CRADD: variants seen among roughly 807,000 people sequenced by gnomAD.
The protein encoded by CRADD is CARD and death domain containing adaptor protein.
Under a neutral mutation model 15.5 loss-of-function variants are expected in CRADD, and 9 were observed. The ratio of observed to expected loss-of-function variants is 0.58; its 90% CI spans 0.35 to 1.01. CRADD has a LOEUF of 1.01. CRADD is among the 50% of genes least tolerant of loss of function. The pLI, the probability that CRADD is intolerant of heterozygous loss-of-function variation, is 0.02. For synonymous variants in CRADD, 118 were observed against 107.6 expected, an observed-to-expected ratio of 1.10 and a Z score of -0.60; for missense variants, 227 against 250.3, an observed-to-expected ratio of 0.91 and a Z score of 0.63.
At chr12:93,717,779 C>A (rs1394432766) in intron 2 of CRADD, among the ~76,000 whole-genome samples, 1 of 152,186 alleles carries the variant, frequency 6.6e-6, no homozygotes, top group Admixed American at 6.5e-5. Flanking sequence ...CCTTGGGCTC[C>A]CCAAGTGTTA....
At position 93,735,277 on chromosome 12, in the gene CRADD, C is replaced by T. The variant is rs149818748; in HGVS notation, c.298+56205C>T. On this transcript the variant is annotated intron_variant, in intron 2 of 2. Transcript: ENST00000332896. The stretch of plus-strand genomic sequence containing the variant: ...AGTGTAGGCAGCTTACGAAATGGGG[C>T]AGGTTTCTTGTGTTTTACTAATGTG... Among the ~76,000 whole-genome samples the T allele has an allele frequency of 3.6e-3, 545 of 152,240 alleles. 1 individual carries two copies. The highest frequency in any genetic ancestry group is 6.4e-3 in the Admixed American group (98 of 15,296).
intron 2 of CRADD, among the ~76,000 whole-genome samples, chr12:93,827,967 G>A (rs1334593752): frequency 6.6e-6 from 1 of 152,152 alleles, no homozygotes; most frequent in Non-Finnish European, 1.5e-5. Flanking sequence ...CCTCAAATAA[G>A]TGGAATCATG....
At chr12:93,728,442 A>G (rs983548448) in intron 2 of CRADD, among the ~76,000 whole-genome samples, 1 of 152,262 alleles carries the variant, frequency 6.6e-6, no homozygotes, top group Non-Finnish European at 1.5e-5. Flanking sequence ...TGTAGTAAAT[A>G]CGTCAATATC....
At chr12:93,810,090 G>A (rs953719628) in intron 2 of CRADD, among the ~76,000 whole-genome samples, 2 of 152,146 alleles carry the variant, frequency 1.3e-5, no homozygotes, top group Non-Finnish European at 2.9e-5. Context: ...TATTAACTCT[G>A]AAAACAAGAC....
At position 93,826,537 on chromosome 12, in the gene CRADD, G is replaced by T. The variant is rs139703632; in HGVS notation, c.299-23433G>T. Among the ~76,000 whole-genome samples, 121 of 152,320 alleles carry T rather than the reference G, an allele frequency of 7.9e-4. 1 individual carries two copies. Among genetic ancestry groups the T allele is most frequent in the African/African-American group, 2.9e-3 (119 of 41,572 alleles). On this transcript the variant is annotated intron_variant, in intron 2 of 2. Coordinates refer to ENST00000332896, the MANE Select transcript of CRADD (RefSeq NM_003805.5). ...TTCAAAGCTATATCCTCTGCTTCCAGCAGCCTAGGGGTGTGTTTCTGTTGC... is the reference window on the plus strand; with the variant it reads ...TTCAAAGCTATATCCTCTGCTTCCATCAGCCTAGGGGTGTGTTTCTGTTGC...
intron 2 of CRADD, among the ~76,000 whole-genome samples, chr12:93,808,321 A>C (rs1470797114): frequency 6.6e-6 from 1 of 152,166 alleles, no homozygotes; most frequent in Non-Finnish European, 1.5e-5. Context: ...TGAGGAACAA[A>C]GTCATGTTTT....
At position 93,726,693 on chromosome 12, in the gene CRADD, T is replaced by A. The variant is rs562565505; in HGVS notation, c.298+47621T>A. Among the ~76,000 whole-genome samples the A allele has an allele frequency of 7.3e-5, 11 of 150,992 alleles. No individual in the cohort carries two copies. In the South Asian group the frequency reaches 2.3e-3, roughly 32 times the overall value. ...CCACAATTTATTACTTTTTTCCTCA[T>A]TTTTTTTTTCTGCTGTGGAGCTTAC... On this transcript the variant is annotated intron_variant, in intron 2 of 2. Coordinates refer to ENST00000332896, the MANE Select transcript of CRADD (RefSeq NM_003805.5).
chr12:93,776,024 T>C (rs1957137035), intron 2 of CRADD, among the ~76,000 whole-genome samples: 1 of 152,258 alleles, frequency 6.6e-6, no homozygotes, highest in African/African-American at 2.4e-5. Flanking sequence ...TTTAAAAAAG[T>C]ATCTTTTCAG....
At chr12:93,682,710 T>A (rs993076845) in intron 2 of CRADD, among the ~76,000 whole-genome samples, 4 of 152,126 alleles carry the variant, frequency 2.6e-5, no homozygotes, top group African/African-American at 4.8e-5. Flanking sequence ...TCTCTACTCT[T>A]CTGAACGCCA....
rs182925957 is a variant in CRADD, at chr12:93,768,589, A to G, written c.299-81381A>G. ...TTAGATAAGAATGCTTCTACTCTAT[A>G]TATCTCAAAAAAGAATAACATAATT... On this transcript the variant is annotated intron_variant, in intron 2 of 2. Coordinates refer to ENST00000332896, the MANE Select transcript of CRADD (RefSeq NM_003805.5). Among the ~76,000 whole-genome samples, 59 of 152,244 alleles carry G rather than the reference A, an allele frequency of 3.9e-4. 1 individual carries two copies. The highest frequency in any genetic ancestry group is 1.4e-3 in the African/African-American group (57 of 41,546).
Position 93,823,091 on chromosome 12 carries a change from G to A in CRADD, c.299-26879G>A, listed in dbSNP as rs193136244. On this transcript the variant is annotated intron_variant, in intron 2 of 2. Transcript: ENST00000332896. Reference sequence around the variant, plus strand: ...AGGAGGATCACCAGGTCAGGAGTTCGAGACTAGCCTGGTCAACATGGTGAA... The same window carrying A: ...AGGAGGATCACCAGGTCAGGAGTTCAAGACTAGCCTGGTCAACATGGTGAA... Among the ~76,000 whole-genome samples, 331 of 152,300 alleles carry A rather than the reference G, an allele frequency of 2.2e-3. 1 individual carries two copies. The highest frequency in any genetic ancestry group is 7.7e-3 in the African/African-American group (318 of 41,558).
In CRADD at chr12:93,714,344, G is replaced by A. The variant is rs1177888500; in HGVS notation, c.298+35272G>A. Among the ~76,000 whole-genome samples, 3 of 152,290 alleles carry A rather than the reference G, an allele frequency of 2.0e-5. No homozygotes were observed. In the East Asian group the frequency reaches 5.8e-4, roughly 29 times the overall value. ...ATGAAATAAATGGATTCCGTGGGCA[G>A]GAGAAGAAAGCATTTTATTTCACTC... On this transcript the variant is annotated intron_variant, in intron 2 of 2. Coordinates refer to ENST00000332896, the MANE Select transcript of CRADD (RefSeq NM_003805.5).
intron 2 of CRADD, among the ~76,000 whole-genome samples, chr12:93,805,412 A>G (rs950570174): frequency 3.3e-5 from 5 of 151,986 alleles, no homozygotes; most frequent in African/African-American, 1.2e-4. Flanking sequence ...ATTTGAATGA[A>G]TTATTTCAAT....
intron 2 of CRADD, among the ~76,000 whole-genome samples, chr12:93,757,678 A>C (rs921210565): frequency 2.6e-5 from 4 of 152,226 alleles, no homozygotes; most frequent in African/African-American, 9.6e-5. Context: ...CCTGGTTCTC[A>C]TTAGAGCTTA....
At chr12:93,773,113 T>G (rs1198778315) in intron 2 of CRADD, among the ~76,000 whole-genome samples, 1 of 152,192 alleles carries the variant, frequency 6.6e-6, no homozygotes, top group Non-Finnish European at 1.5e-5. Context: ...TATTTACCAG[T>G]CAGGTTGTTA....
intron 2 of CRADD, among the ~76,000 whole-genome samples, chr12:93,866,022 A>ACC (rs2137062713): frequency 6.6e-6 from 1 of 152,148 alleles, no homozygotes; most frequent in South Asian, 2.1e-4. Flanking sequence ...GGTCATTCTG[A>ACC]TTTTTTATTA....
intron 2 of CRADD, among the ~76,000 whole-genome samples, chr12:93,726,681 C>CT (rs1452654467): frequency 6.6e-6 from 1 of 151,956 alleles, no homozygotes; most frequent in East Asian, 1.9e-4. Flanking sequence ...CAATTTATTA[C>CT]TTTTTTCCTC....
At chr12:93,742,177 C>T (rs921587770) in intron 2 of CRADD, among the ~76,000 whole-genome samples, 33 of 152,298 alleles carry the variant, frequency 2.2e-4, no homozygotes, top group African/African-American at 7.7e-4. Context: ...GTAATTCAAT[C>T]TATTTTAATG....
At chr12:93,790,146 T>C (rs1014922721) in intron 2 of CRADD, among the ~76,000 whole-genome samples, 4 of 152,210 alleles carry the variant, frequency 2.6e-5, no homozygotes, top group African/African-American at 9.6e-5. Context: ...TTGTCAACTC[T>C]GCTACTCATT....
Sources: allele counts gnomAD v4.1 joint callset (sites outside exome capture counted in the v4.1 genomes callset), GRCh38; gene constraint gnomAD v4.1.1; transcripts MANE v1.5; gene names NCBI Gene and HGNC (gene_info 2026-07-23, HGNC 2026-07-21).